Variants in RNLS observed in about 807,000 individuals in gnomAD.
The protein encoded by RNLS is renalase, FAD dependent amine oxidase.
In RNLS, 39 loss-of-function variants were observed where a neutral mutation model predicts 39.8. That is an observed-to-expected ratio of 0.98 (90% CI 0.76 to 1.28). The LOEUF (loss-of-function observed/expected upper bound fraction) is 1.28. RNLS is among the 50% of genes most tolerant of loss of function. The pLI is 0.00. For missense variants in RNLS, 410 were observed against 413.3 expected (o/e 0.99, Z 0.07); for synonymous variants, 147 against 150.7 (o/e 0.98, Z 0.18).
chr10:88,310,307 A>C (rs117820356), intron 6 of RNLS, among the ~76,000 whole-genome samples: 1 of 152,160 alleles, frequency 6.6e-6, no homozygotes, highest in Non-Finnish European at 1.5e-5. Flanking sequence ...GAGACTCTTG[A>C]TTTATTCAGG....
downstream of RNLS, among the ~76,000 whole-genome samples, chr10:88,273,205 G>T (rs1842698393): frequency 6.6e-6 from 1 of 152,182 alleles, no homozygotes; most frequent in African/African-American, 2.4e-5. Flanking sequence ...TCCTACTGCT[G>T]CTAGTCTTGG....
At chr10:88,581,761 C>A in intron 2 of RNLS, 52 bp from the exon 3 acceptor site, 1 of 1,170,176 alleles carries the variant, frequency 8.5e-7, no homozygotes, top group Non-Finnish European at 1.2e-6. Context: ...ATGAATAGCT[C>A]TAAAAGACTA....
the RNLS span, among the ~76,000 whole-genome samples, chr10:88,255,741 G>T: frequency 6.6e-6 from 1 of 152,314 alleles, no homozygotes; most frequent in East Asian, 1.9e-4. Context: ...TGATAGAATT[G>T]GTTACAAACC....
At chr10:88,248,611 T>C in the RNLS span, among the ~76,000 whole-genome samples, 4 of 152,204 alleles carry the variant, frequency 2.6e-5, no homozygotes, top group African/African-American at 9.6e-5. Context: ...TATTATTCAA[T>C]ATTCCAAGTT....
chr10:88,443,085 ATCT>A (rs1251417343), intron 4 of RNLS, among the ~76,000 whole-genome samples: 1 of 152,104 alleles, frequency 6.6e-6, no homozygotes, highest in Non-Finnish European at 1.5e-5. Context: ...TCTGTTAAAC[ATCT>A]TCTATTTCTT....
chr10:88,540,129 T>C (rs1847965138), intron 4 of RNLS, among the ~76,000 whole-genome samples: 1 of 152,150 alleles, frequency 6.6e-6, no homozygotes, highest in Non-Finnish European at 1.5e-5. Flanking sequence ...AGGATATAGT[T>C]TCTAAAAATG....
the RNLS span, among the ~76,000 whole-genome samples, chr10:88,202,305 G>T: frequency 8.1e-6 from 1 of 123,818 alleles, no homozygotes; most frequent in Admixed American, 8.5e-5. Context: ...ATGTGGGGTG[G>T]GGGGAGGGGG....
intron 5 of RNLS, among the ~76,000 whole-genome samples, chr10:88,323,702 T>C (rs80172596): frequency 2.5e-3 from 380 of 152,250 alleles, no homozygotes; most frequent in Non-Finnish European, 3.7e-3. Context: ...ATTCAAAGAA[T>C]ATATGACTAA....
At chr10:88,176,613 C>T in the RNLS span, among the ~76,000 whole-genome samples, 1 of 151,982 alleles carries the variant, frequency 6.6e-6, no homozygotes, top group Admixed American at 6.6e-5. Flanking sequence ...TATTGTTTAT[C>T]TTTGTGGTTT....
chr10:88,550,906 T>C (rs1392893301), intron 4 of RNLS, among the ~76,000 whole-genome samples: 1 of 152,234 alleles, frequency 6.6e-6, no homozygotes, highest in Non-Finnish European at 1.5e-5. Flanking sequence ...TCCAGATAGA[T>C]TGGCATTTGC....
At chr10:88,254,179 C>T in the RNLS span, among the ~76,000 whole-genome samples, 10 of 152,200 alleles carry the variant, frequency 6.6e-5, no homozygotes, top group African/African-American at 1.9e-4. Context: ...TTCTTGATTT[C>T]TCCCCAGCAT....
At chr10:88,429,179 G>A (rs756807546) in intron 4 of RNLS, among the ~76,000 whole-genome samples, 4 of 151,856 alleles carry the variant, frequency 2.6e-5, no homozygotes, top group Admixed American at 6.6e-5. Context: ...AGCCAGGGCC[G>A]CCACTTTCTA....
chr10:88,213,796 A>G, the RNLS span, among the ~76,000 whole-genome samples: 5 of 152,290 alleles, frequency 3.3e-5, no homozygotes, highest in Middle Eastern at 6.8e-3. Flanking sequence ...TCTTCATTTA[A>G]CTGATCCTAG....
intron 4 of RNLS, among the ~76,000 whole-genome samples, chr10:88,424,804 G>A (rs2133777987): frequency 6.6e-6 from 1 of 152,216 alleles, no homozygotes; most frequent in South Asian, 2.1e-4. Context: ...GAGCTGTTGA[G>A]CACTGGGGCA....
the RNLS span, among the ~76,000 whole-genome samples, chr10:88,183,876 C>T: frequency 2.6e-5 from 4 of 152,064 alleles, no homozygotes; most frequent in Admixed American, 6.6e-5. Flanking sequence ...GAATCAATGG[C>T]GATACTGAGA....
At chr10:88,472,329 A>G (rs1264696263) in intron 4 of RNLS, among the ~76,000 whole-genome samples, 2 of 152,202 alleles carry the variant, frequency 1.3e-5, no homozygotes, top group Non-Finnish European at 2.9e-5. Context: ...GAAGAGTCTT[A>G]AATACAGATA....
the RNLS span, among the ~76,000 whole-genome samples, chr10:88,178,319 A>G: frequency 6.6e-6 from 1 of 152,048 alleles, no homozygotes; most frequent in Non-Finnish European, 1.5e-5. Flanking sequence ...TCAAAATGCT[A>G]TTTTGCTGCA....
At chr10:88,535,679 T>G (rs1847714615) in intron 4 of RNLS, among the ~76,000 whole-genome samples, 1 of 152,106 alleles carries the variant, frequency 6.6e-6, no homozygotes, top group Non-Finnish European at 1.5e-5. Context: ...AGCTGAAGTT[T>G]GGGTCAGGGG....
At chr10:88,328,972 CTTGGTATATAATAATAAA>C (rs1247646563) in intron 5 of RNLS, among the ~76,000 whole-genome samples, 1 of 151,784 alleles carries the variant, frequency 6.6e-6, no homozygotes, top group African/African-American at 2.4e-5. Flanking sequence ...TATAATTTTT[CTTGGTATATAATAATAAA>C]TTGAAAATAT....
Sources: allele counts gnomAD v4.1 joint callset (sites outside exome capture counted in the v4.1 genomes callset), GRCh38; gene constraint gnomAD v4.1.1; transcripts MANE v1.5; gene names NCBI Gene and HGNC (gene_info 2026-07-23, HGNC 2026-07-21).